The following CCDC91 variants were observed in gnomAD, a reference collection of about 807,000 sequenced individuals.
The protein encoded by CCDC91 is coiled-coil domain containing 91, also known as coiled-coil domain-containing protein 91.
In CCDC91, 48 loss-of-function variants were observed where a neutral mutation model predicts 63.2. The ratio of observed to expected loss-of-function variants is 0.76; its 90% CI spans 0.60 to 0.97. The LOEUF (loss-of-function observed/expected upper bound fraction) is 0.97. CCDC91 is among the 50% of genes least tolerant of loss of function. CCDC91 has a pLI of 0.00. For synonymous variants in CCDC91, 167 were observed against 165.8 expected (o/e 1.01, Z -0.06); for missense variants, 500 against 494.6 (o/e 1.01, Z -0.10).
intron 12 of CCDC91, among the ~76,000 whole-genome samples, chr12:28,511,881 A>C (rs1226214797): frequency 6.6e-6 from 1 of 151,882 alleles, no homozygotes; most frequent in Non-Finnish European, 1.5e-5. Context: ...ATTATCAGCC[A>C]TGAGAAAATA....
At chr12:28,273,522 G>A (rs1320651762) in intron 3 of CCDC91, among the ~76,000 whole-genome samples, 1 of 152,064 alleles carries the variant, frequency 6.6e-6, no homozygotes, top group African/African-American at 2.4e-5. Flanking sequence ...ACTTTTTAAT[G>A]ATTGCCATTC....
intron 11 of CCDC91, among the ~76,000 whole-genome samples, chr12:28,467,214 A>G (rs1950588247): frequency 1.3e-5 from 2 of 152,068 alleles, no homozygotes; most frequent in African/African-American, 2.4e-5. Context: ...TCTGTTGCCT[A>G]TAAGAAACAC....
intron 6 of CCDC91, among the ~76,000 whole-genome samples, chr12:28,347,187 C>T (rs1942869787): frequency 6.6e-6 from 1 of 152,180 alleles, no homozygotes; most frequent in South Asian, 2.1e-4. Context: ...GATTTCCTAT[C>T]AATCTTCTCA....
At position 28,452,594 on chromosome 12, in the gene CCDC91, TC is replaced by T. The variant is rs1395097740; in HGVS notation, c.1042del (p.Gln348LysfsTer18). 1 of 1,582,384 alleles carries T rather than the reference TC, an allele frequency of 6.3e-7. No individual in the cohort carries two copies. Among genetic ancestry groups the T allele is most frequent in the East Asian group, 2.3e-5 (1 of 44,132 alleles). ...TATGGAAGACAGAACATGCAAAAGA[TC>T]AAGAAAAAGTATCTCAGGAAATTCA... is the stretch of plus-strand genomic sequence containing the variant. ...ELWKTEHAKD[Q>X]EKVSQEIQKA... On this transcript the variant is annotated frameshift_variant, in exon 11 of 13. Coordinates refer to ENST00000536442, the MANE Select transcript of CCDC91 (RefSeq NM_018318.5). LOFTEE classifies it high-confidence loss of function.
intron 3 of CCDC91, among the ~76,000 whole-genome samples, chr12:28,298,050 G>A (rs374271389): frequency 6.6e-6 from 1 of 151,524 alleles, no homozygotes; most frequent in Non-Finnish European, 1.5e-5. Flanking sequence ...AACTGTAGAG[G>A]TTTAACTGAA....
chr12:28,517,157 A>G (rs1330594203), intron 12 of CCDC91, among the ~76,000 whole-genome samples: 9 of 151,828 alleles, frequency 5.9e-5, no homozygotes, highest in Admixed American at 3.3e-4. Flanking sequence ...TCTTTGTTTT[A>G]CTTCATGTTA....
chr12:28,475,145 A>T (rs947367771), intron 11 of CCDC91, among the ~76,000 whole-genome samples: 3 of 152,068 alleles, frequency 2.0e-5, no homozygotes, highest in African/African-American at 7.2e-5. Flanking sequence ...GGAATTAGAG[A>T]GTTAAAATTT....
chr12:28,316,556 CTTTTTTTTTT>C (rs67889099), intron 6 of CCDC91, among the ~76,000 whole-genome samples: 13 of 28,446 alleles, frequency 4.6e-4, no homozygotes, highest in Admixed American at 3.9e-3. Context: ...CAACTCACAC[CTTTTTTTTTT>C]TTTTTTTTTT....
At chr12:28,364,833 C>A (rs1310160606) in intron 7 of CCDC91, among the ~76,000 whole-genome samples, 1 of 152,106 alleles carries the variant, frequency 6.6e-6, no homozygotes, top group African/African-American at 2.4e-5. Flanking sequence ...ATGATTTTTT[C>A]TATATGAATT....
At chr12:28,392,579 C>T (rs989605916) in intron 8 of CCDC91, among the ~76,000 whole-genome samples, 1 of 152,160 alleles carries the variant, frequency 6.6e-6, no homozygotes, top group Admixed American at 6.5e-5. Context: ...CACAATGGGG[C>T]CAGAGAGTGA....
chr12:28,233,846 T>C (rs1234801247), intron 1 of CCDC91, among the ~76,000 whole-genome samples: 1 of 152,122 alleles, frequency 6.6e-6, no homozygotes, highest in African/African-American at 2.4e-5. Flanking sequence ...TTGAAACAGC[T>C]AACAGTTCAT....
intron 1 of CCDC91, among the ~76,000 whole-genome samples, chr12:28,241,954 C>T (rs1339159001): frequency 6.9e-6 from 1 of 144,592 alleles, no homozygotes; most frequent in Non-Finnish European, 1.5e-5. Flanking sequence ...TGATATAGCG[C>T]CATTACACTC....
intron 12 of CCDC91, among the ~76,000 whole-genome samples, chr12:28,536,196 CAAGAA>C (rs1455762843): frequency 6.6e-6 from 1 of 151,598 alleles, no homozygotes; most frequent in Non-Finnish European, 1.5e-5. Context: ...TGTTAGTTGA[CAAGAA>C]AAGAGAATGA....
chr12:28,542,766 A>C (rs1282113283), intron 12 of CCDC91, among the ~76,000 whole-genome samples: 1 of 152,118 alleles, frequency 6.6e-6, no homozygotes, highest in East Asian at 1.9e-4. Flanking sequence ...TCCATTTCCC[A>C]AACTTACTTG....
chr12:28,282,895 T>C (rs1323270662), intron 3 of CCDC91, among the ~76,000 whole-genome samples: 2 of 152,080 alleles, frequency 1.3e-5, no homozygotes, highest in African/African-American at 2.4e-5. Context: ...TGGTGAGAGA[T>C]AGCGATCCCG....
At chr12:28,470,498 T>C (rs1359807086) in intron 11 of CCDC91, among the ~76,000 whole-genome samples, 1 of 152,066 alleles carries the variant, frequency 6.6e-6, no homozygotes, top group Non-Finnish European at 1.5e-5. Context: ...GAATGTAAAT[T>C]AGTACAGCCA....
At chr12:28,393,941 T>A (rs1339436724) in intron 8 of CCDC91, among the ~76,000 whole-genome samples, 6 of 152,134 alleles carry the variant, frequency 3.9e-5, no homozygotes, top group Non-Finnish European at 7.4e-5. Context: ...AATGACAAAT[T>A]GGAAAGGAAG....
chr12:28,232,256 G>A (rs904052117), intron 1 of CCDC91, among the ~76,000 whole-genome samples: 2 of 152,084 alleles, frequency 1.3e-5, no homozygotes, highest in Non-Finnish European at 2.9e-5. Flanking sequence ...TTCCTGCAGT[G>A]GTAGTAAATG....
At chr12:28,303,711 T>C (rs897747079) in intron 3 of CCDC91, among the ~76,000 whole-genome samples, 7 of 152,120 alleles carry the variant, frequency 4.6e-5, no homozygotes, top group Admixed American at 2.0e-4. Context: ...TTTCCACAAT[T>C]TCAACCTTAT....
Sources: gnomAD v4.1 joint callset for allele counts (sites outside exome capture counted in the v4.1 genomes callset) on GRCh38, gnomAD v4.1.1 for gene constraint, MANE v1.5 for transcripts, NCBI Gene and HGNC (gene_info 2026-07-23, HGNC 2026-07-21) for gene names.